GPC5: variants seen among roughly 807,000 people sequenced by gnomAD.
GPC5 encodes glypican-5.
GPC5 carries 47 observed loss-of-function variants against 53.9 expected under a neutral mutation model. That is an observed-to-expected ratio of 0.87 (90% confidence interval 0.69 to 1.11). The LOEUF (loss-of-function observed/expected upper bound fraction) is 1.11, where lower values mean the gene tolerates loss of function less well. Ranked by LOEUF, GPC5 falls within the 50% of genes most tolerant of loss-of-function variation. GPC5 has a pLI of 0.00. For missense variants in GPC5, 748 were observed against 713.1 expected (o/e 1.05, Z -0.56); for synonymous variants, 286 against 263.3 (o/e 1.09, Z -0.84).
At chr13:91,550,731 G>C (rs2030587018) in intron 2 of GPC5, among the ~76,000 whole-genome samples, 1 of 152,078 alleles carries the variant, frequency 6.6e-6, no homozygotes, top group Admixed American at 6.6e-5. Flanking sequence ...ATCTCACCTT[G>C]AATTGTAATA....
At chr13:92,296,504 C>G (rs1459921796) in intron 7 of GPC5, among the ~76,000 whole-genome samples, 1 of 152,178 alleles carries the variant, frequency 6.6e-6, no homozygotes, top group Non-Finnish European at 1.5e-5. Context: ...AGCATGCTGG[C>G]AGCCCTCAGA....
chr13:92,786,442 T>C (rs1038338273), intron 7 of GPC5, among the ~76,000 whole-genome samples: 1 of 152,060 alleles, frequency 6.6e-6, no homozygotes, highest in Non-Finnish European at 1.5e-5. Flanking sequence ...AGATCAAGGA[T>C]GGTGGGGGAT....
intron 7 of GPC5, among the ~76,000 whole-genome samples, chr13:92,399,089 G>A (rs1875434961): frequency 6.6e-6 from 1 of 152,124 alleles, no homozygotes; most frequent in African/African-American, 2.4e-5. Flanking sequence ...CTACAGATAA[G>A]AGCCTACCCA....
intron 6 of GPC5, among the ~76,000 whole-genome samples, chr13:92,135,867 G>A (rs562730167): frequency 3.3e-5 from 5 of 152,270 alleles, no homozygotes; most frequent in South Asian, 2.1e-4. Flanking sequence ...TGTAAAGCGC[G>A]TTCGGCTTTT....
intron 6 of GPC5, among the ~76,000 whole-genome samples, chr13:92,095,719 G>C (rs533768332): frequency 6.6e-6 from 1 of 152,060 alleles, no homozygotes; most frequent in Non-Finnish European, 1.5e-5. Context: ...ATTTTTAGTA[G>C]AGACGGGGTT....
At chr13:91,410,588 C>G (rs981901206) in intron 1 of GPC5, among the ~76,000 whole-genome samples, 2 of 151,532 alleles carry the variant, frequency 1.3e-5, no homozygotes, top group Non-Finnish European at 2.9e-5. Context: ...CCTCGTGATC[C>G]GCCCGCCTTG....
At chr13:92,580,740 T>A (rs1443236497) in intron 7 of GPC5, among the ~76,000 whole-genome samples, 1 of 152,070 alleles carries the variant, frequency 6.6e-6, no homozygotes, top group Non-Finnish European at 1.5e-5. Flanking sequence ...TTTGCGAGAA[T>A]TCACTTATTA....
At chr13:91,528,463 T>A (rs1886187764) in intron 2 of GPC5, among the ~76,000 whole-genome samples, 1 of 152,210 alleles carries the variant, frequency 6.6e-6, no homozygotes, top group Non-Finnish European at 1.5e-5. Flanking sequence ...CACCTCAGCC[T>A]GGACTTCATT....
intron 2 of GPC5, among the ~76,000 whole-genome samples, chr13:91,626,818 A>C (rs950528929): frequency 1.3e-5 from 2 of 151,424 alleles, no homozygotes; most frequent in Non-Finnish European, 2.9e-5. Flanking sequence ...ATCCCTCCCC[A>C]TTCCCCCAAC....
At chr13:92,085,538 C>A (rs2041328812) in intron 6 of GPC5, among the ~76,000 whole-genome samples, 1 of 152,150 alleles carries the variant, frequency 6.6e-6, no homozygotes, top group South Asian at 2.1e-4. Flanking sequence ...TTTCACAGAC[C>A]TGGTGGTGGT....
At chr13:91,462,682 A>G (rs1420513138) in intron 2 of GPC5, among the ~76,000 whole-genome samples, 1 of 151,956 alleles carries the variant, frequency 6.6e-6, no homozygotes, top group Non-Finnish European at 1.5e-5. Context: ...TAATTTGGGA[A>G]TCCTCTTCTC....
intron 5 of GPC5, among the ~76,000 whole-genome samples, chr13:91,816,533 A>C (rs2038402827): frequency 6.6e-6 from 1 of 152,170 alleles, no homozygotes; most frequent in South Asian, 2.1e-4. Context: ...GTAATTTACT[A>C]CTTAGTCATT....
At chr13:92,235,852 A>G (rs531213971) in intron 7 of GPC5, among the ~76,000 whole-genome samples, 10 of 152,108 alleles carry the variant, frequency 6.6e-5, no homozygotes, top group African/African-American at 2.2e-4. Flanking sequence ...TATTCTTACT[A>G]TTATTGACAT....
intron 7 of GPC5, among the ~76,000 whole-genome samples, chr13:92,792,258 C>T (rs1387498491): frequency 1.3e-5 from 2 of 152,078 alleles, no homozygotes; most frequent in Admixed American, 6.6e-5. Context: ...CCAATATTCA[C>T]ATTCTTAAAA....
At chr13:91,774,537 C>G (rs915587099) in intron 5 of GPC5, among the ~76,000 whole-genome samples, 1 of 152,092 alleles carries the variant, frequency 6.6e-6, no homozygotes. Flanking sequence ...GGAGAAGCAG[C>G]CGGAAATCAG....
intron 7 of GPC5, among the ~76,000 whole-genome samples, chr13:92,795,692 G>T (rs4520708): frequency 2.0e-5 from 3 of 152,010 alleles, no homozygotes; most frequent in Non-Finnish European, 4.4e-5. Flanking sequence ...CCATCACAAA[G>T]TGGGCAAAGG....
intron 2 of GPC5, among the ~76,000 whole-genome samples, chr13:91,459,751 G>T (rs1248215891): frequency 6.6e-6 from 1 of 152,094 alleles, no homozygotes; most frequent in Non-Finnish European, 1.5e-5. Context: ...TCTTGGAAGA[G>T]CCAGGAGATT....
chr13:91,636,443 G>T (rs1210911698), intron 2 of GPC5, among the ~76,000 whole-genome samples: 1 of 149,290 alleles, frequency 6.7e-6, no homozygotes. Context: ...GTGTATTTGT[G>T]TGTGTGTATT....
intron 5 of GPC5, among the ~76,000 whole-genome samples, chr13:91,839,181 T>G (rs186897355): frequency 6.6e-6 from 1 of 152,324 alleles, no homozygotes. Context: ...AATGAACACT[T>G]GTTTATTTAT....
Sources: allele counts gnomAD v4.1 joint callset (sites outside exome capture counted in the v4.1 genomes callset), GRCh38; gene constraint gnomAD v4.1.1; transcripts MANE v1.5; gene names NCBI Gene and HGNC (gene_info 2026-07-23, HGNC 2026-07-21).